TOMM20L: variants seen among roughly 807,000 people sequenced by gnomAD.
The protein encoded by TOMM20L is TOMM20-like protein 1.
A neutral mutation model predicts 20.4 loss-of-function variants in TOMM20L; 19 were observed. The ratio of observed to expected loss-of-function variants is 0.93; its 90% CI spans 0.65 to 1.36. TOMM20L has a LOEUF of 1.36. Ranked by LOEUF, TOMM20L falls within the 40% of genes most tolerant of loss-of-function variation. The probability of loss-of-function intolerance (pLI) is 0.00; values close to 1 mark genes in which losing one functional copy is unlikely to be tolerated. For synonymous variants in TOMM20L, 75 were observed against 79.6 expected (o/e 0.94, Z 0.30); for missense variants, 218 against 203.7 (o/e 1.07, Z -0.43).
downstream of TOMM20L, among the ~76,000 whole-genome samples, chr14:58,411,479 T>G (rs892834039): frequency 1.3e-5 from 2 of 151,320 alleles, no homozygotes; most frequent in African/African-American, 4.8e-5. Context: ...ATACGTACAC[T>G]TTATAACATT....
downstream of TOMM20L, among the ~76,000 whole-genome samples, chr14:58,410,595 C>A (rs1247435910): frequency 6.6e-6 from 1 of 152,196 alleles, no homozygotes; most frequent in African/African-American, 2.4e-5. Context: ...TGTTGTGAAA[C>A]AGTAACTCAG....
the TOMM20L span, among the ~76,000 whole-genome samples, chr14:58,415,272 G>A: frequency 6.6e-6 from 1 of 151,994 alleles, no homozygotes; most frequent in African/African-American, 2.4e-5. Context: ...ATAACATCTA[G>A]AGCCTCATAA....
intron 2 of TOMM20L, among the ~76,000 whole-genome samples, chr14:58,396,688 A>G (rs919869237): frequency 6.6e-5 from 10 of 152,390 alleles, no homozygotes; most frequent in African/African-American, 2.4e-4. Flanking sequence ...GTCACATGGC[A>G]GTAACTTCTA....
At chr14:58,405,407 T>C (rs2036045689) in intron 3 of TOMM20L, among the ~76,000 whole-genome samples, 1 of 152,264 alleles carries the variant, frequency 6.6e-6, no homozygotes, top group Non-Finnish European at 1.5e-5. Flanking sequence ...TTATTCCTAT[T>C]CACTGTATGC....
chr14:58,408,863 CCT>C, downstream of TOMM20L: 1 of 921,658 alleles, frequency 1.1e-6, no homozygotes. Context: ...TGTGATTATT[CCT>C]GGTAAATAGC....
chr14:58,401,440 G>A (rs940048543), intron 2 of TOMM20L, among the ~76,000 whole-genome samples: 1 of 151,878 alleles, frequency 6.6e-6, no homozygotes, highest in Non-Finnish European at 1.5e-5. Flanking sequence ...CGTGGTGATG[G>A]GCACCTATAG....
intron 1 of TOMM20L, 27 bp downstream of exon 1, chr14:58,396,120 G>T: frequency 7.8e-7 from 1 of 1,288,846 alleles, no homozygotes; most frequent in Non-Finnish European, 9.8e-7. Context: ...CGGAGGCGCG[G>T]CCGGGCCGGG....
Position 58,404,117 on chromosome 14 carries a change from A to AT in TOMM20L, c.262+1357dup, listed in dbSNP as rs1198718876. Reference sequence around the variant, plus strand: ...TATATATGTATATATATATATATATATATTTTTTTTTTTTTTTTTTTTTTT... The same window carrying AT: ...TATATATGTATATATATATATATATATTATTTTTTTTTTTTTTTTTTTTTTT... On this transcript the variant is annotated intron_variant, in intron 3 of 4. Coordinates refer to ENST00000360945, the MANE Select transcript of TOMM20L (RefSeq NM_207377.3). 1.6e-3 allele frequency among the ~76,000 whole-genome samples: 21 copies of AT among 13,458 alleles called. 1 individual carries two copies. Among genetic ancestry groups the AT allele is most frequent in the African/African-American group, 2.1e-3 (13 of 6,280 alleles). 8.8% of individuals were successfully genotyped at this position (13,458 alleles called of 152,430 possible).
intron 2 of TOMM20L, 70 bp downstream of exon 2, chr14:58,396,411 C>A: frequency 6.4e-7 from 1 of 1,571,912 alleles, no homozygotes; most frequent in Admixed American, 1.7e-5. Flanking sequence ...TGCTTGGCTC[C>A]TGGCGGGCTC....
chr14:58,397,893 G>A (rs2035947880), intron 2 of TOMM20L, among the ~76,000 whole-genome samples: 1 of 152,164 alleles, frequency 6.6e-6, no homozygotes, highest in Non-Finnish European at 1.5e-5. Context: ...AAGAAAACAA[G>A]CTATTGCAGC....
At chr14:58,414,736 C>CAAAAAAAAAAA in the TOMM20L span, among the ~76,000 whole-genome samples, 8 of 117,218 alleles carry the variant, frequency 6.8e-5, no homozygotes, top group South Asian at 3.0e-4. Flanking sequence ...GACGCCATCT[C>CAAAAAAAAAAA]AAAAAAAAAA....
chr14:58,395,998 C>G lies in TOMM20L; in HGVS notation c.41C>G (p.Ala14Gly). 6.9e-7 allele frequency: 1 copy of G among 1,453,262 alleles called. No individual in the cohort carries two copies. The highest frequency in any genetic ancestry group is 1.5e-5 in the South Asian group (1 of 67,054). The allele number at this position is 1,453,262 out of a possible 1,614,324, so 90.0% of individuals were successfully genotyped here. A position where few individuals can be genotyped will look rare whatever the true frequency, so the allele number is the denominator to read the frequency against. The change falls in exon 1 of 5, where the codon GCG becomes GGG. Residue 14 changes from alanine (A) to glycine (G), a missense_variant. By Grantham distance (60) the Ala-to-Gly change is moderately conservative. Transcript: ENST00000360945. ...VRSLLRLLAA[A>G]AACGAFAFLG... is the part of the protein sequence containing the mutation. ...TCCCTCCTCCGCCTCTTGGCCGCCGCGGCGGCCTGTGGCGCCTTCGCCTTC... is the reference window on the plus strand; with the variant it reads ...TCCCTCCTCCGCCTCTTGGCCGCCGGGGCGGCCTGTGGCGCCTTCGCCTTC...
chr14:58,401,083 A>G (rs1312564820), intron 2 of TOMM20L, among the ~76,000 whole-genome samples: 1 of 152,136 alleles, frequency 6.6e-6, no homozygotes, highest in Non-Finnish European at 1.5e-5. Context: ...AGGACATTGG[A>G]CTTCGTCTTG....
chr14:58,412,362 G>C (rs535756931), downstream of TOMM20L, among the ~76,000 whole-genome samples: 2 of 152,252 alleles, frequency 1.3e-5, no homozygotes, highest in East Asian at 3.9e-4. Context: ...GGATGGTCTC[G>C]ATCTCTTAAC....
downstream of TOMM20L, among the ~76,000 whole-genome samples, chr14:58,411,281 C>G (rs141587298): frequency 0.014 from 2,131 of 151,954 alleles, 56 homozygotes; most frequent in African/African-American, 0.048. Context: ...AACCCTGTCT[C>G]TAATAAAAAT....
chr14:58,416,117 A>C, the TOMM20L span, among the ~76,000 whole-genome samples: 1 of 151,970 alleles, frequency 6.6e-6, no homozygotes, highest in South Asian at 2.1e-4. Flanking sequence ...AATCCCAGCT[A>C]CTCAGGTGGC....
intron 4 of TOMM20L, among the ~76,000 whole-genome samples, chr14:58,408,039 C>T (rs766608186): frequency 1.3e-5 from 2 of 152,188 alleles, no homozygotes; most frequent in Non-Finnish European, 2.9e-5. Context: ...CAAACATGAA[C>T]TCCATTACAG....
downstream of TOMM20L, among the ~76,000 whole-genome samples, chr14:58,411,550 T>A (rs1018540107): frequency 3.3e-5 from 5 of 152,122 alleles, no homozygotes; most frequent in African/African-American, 1.2e-4. Context: ...GACATGGTTT[T>A]TTTTTTTGAG....
chr14:58,411,696 G>A (rs2036222416), downstream of TOMM20L, among the ~76,000 whole-genome samples: 1 of 151,768 alleles, frequency 6.6e-6, no homozygotes, highest in Non-Finnish European at 1.5e-5. Context: ...GCGCCAGCAC[G>A]CCCAGCTAAT....
Sources: allele counts gnomAD v4.1 joint callset (sites outside exome capture counted in the v4.1 genomes callset), GRCh38; gene constraint gnomAD v4.1.1; transcripts MANE v1.5; gene names NCBI Gene and HGNC (gene_info 2026-07-23, HGNC 2026-07-21).